TCF7L2: variants seen among roughly 807,000 people sequenced by gnomAD.
The protein encoded by TCF7L2 is transcription factor 7-like 2.
In TCF7L2, 23 loss-of-function variants were observed where a neutral mutation model predicts 77.9. That is an observed-to-expected ratio of 0.30 (90% CI 0.21 to 0.42). The LOEUF is 0.42. Ranked by LOEUF, TCF7L2 falls within the 10% of genes least tolerant of loss-of-function variation. The pLI, the probability that TCF7L2 is intolerant of heterozygous loss-of-function variation, is 1.00. For missense variants in TCF7L2, 654 were observed against 793.1 expected (o/e 0.82, Z 2.11); for synonymous variants, 413 against 340.2 (o/e 1.21, Z -2.36).
At chr10:113,018,614 C>T (rs1219252829) in intron 4 of TCF7L2, among the ~76,000 whole-genome samples, 1 of 151,976 alleles carries the variant, frequency 6.6e-6, no homozygotes, top group Non-Finnish European at 1.5e-5. Flanking sequence ...TCACAGGTGC[C>T]CACTACCATG....
rs1477073663 is a variant in TCF7L2, at chr10:112,966,184, T to TTATATATATTTTTATA, written c.450+1569_450+1570insTTTTATATATATATAT. On this transcript the variant is annotated intron_variant, in intron 4 of 13. Coordinates refer to ENST00000627217, the MANE Select transcript of TCF7L2 (RefSeq NM_001146274.2). ...GAGTGAGACTCTGTCTAAAATATAT[T>TTATATATATTTTTATA]TATATATATATATATATATATATAT... Among the ~76,000 whole-genome samples, 22 of 114,232 alleles carry TTATATATATTTTTATA rather than the reference T, an allele frequency of 1.9e-4. 1 individual carries two copies. The highest frequency in any genetic ancestry group is 4.7e-4 in the East Asian group (2 of 4,278). The allele number at this position is 114,232 out of a possible 152,430, so 74.9% of individuals were successfully genotyped here. A position where few individuals can be genotyped will look rare whatever the true frequency, so the allele number is the denominator to read the frequency against.
chr10:113,090,519 G>A (rs562288407), intron 5 of TCF7L2, among the ~76,000 whole-genome samples: 9 of 152,296 alleles, frequency 5.9e-5, no homozygotes, highest in Admixed American at 1.3e-4. Context: ...TTGTTCTGGC[G>A]TAGGAAGTGA....
rs952429331 is a variant in TCF7L2 at position 113,166,255 on chromosome 10, T to C, written c.*283T>C. ...GTAGCGTTTAAAAAATATATATATATACATAACTGTTATGTAGTTCGGATA... is the reference window on the plus strand; with the variant it reads ...GTAGCGTTTAAAAAATATATATATACACATAACTGTTATGTAGTTCGGATA... On this transcript the variant is annotated 3_prime_UTR_variant, in exon 14 of 14. Coordinates refer to ENST00000627217, the MANE Select transcript of TCF7L2 (RefSeq NM_001146274.2). 2 of 288,986 alleles carry C rather than the reference T, an allele frequency of 6.9e-6. No homozygotes were observed. The highest frequency in any genetic ancestry group is 5.1e-5 in the Admixed American group (1 of 19,544). The allele number at this position is 288,986 out of a possible 1,614,324, so 17.9% of individuals were successfully genotyped here.
At chr10:113,065,673 G>T (rs954859232) in intron 5 of TCF7L2, among the ~76,000 whole-genome samples, 5 of 152,112 alleles carry the variant, frequency 3.3e-5, no homozygotes, top group South Asian at 2.1e-4. Flanking sequence ...TTTGGTTTGG[G>T]CTCTGGCTCA....
intron 5 of TCF7L2, among the ~76,000 whole-genome samples, chr10:113,095,563 A>T (rs886271365): frequency 1.3e-5 from 2 of 152,110 alleles, no homozygotes. Context: ...TTCCCAGTGT[A>T]GAGGGAACAT....
At position 112,951,533 on chromosome 10, in the gene TCF7L2, T is replaced by G; in HGVS notation, c.307T>G (p.Tyr103Asp). The change falls in exon 3 of 14, where the codon TAC (tyrosine) becomes GAC (aspartate). Residue 103 changes from tyrosine to aspartate, a missense_variant. Physicochemically the swap from Tyr to Asp is radical, Grantham distance 160 (BLOSUM62 -3). Around this residue, in one of 6 missense-constraint regions of TCF7L2, gnomAD observed 132 missense variants for 123.7 expected, o/e 1.07. Transcript: ENST00000627217. ...CTTTAAGGGGCCACCGTATCCCGGCTACCCCTTCATCATGATCCCCGACCT... is the reference window on the plus strand; with the variant it reads ...CTTTAAGGGGCCACCGTATCCCGGCGACCCCTTCATCATGATCCCCGACCT... The G allele has an allele frequency of 7.0e-7, 1 of 1,422,154 alleles. No individual in the cohort carries two copies. Among genetic ancestry groups the G allele is most frequent in the Non-Finnish European group, 9.4e-7 (1 of 1,064,504 alleles). 88.1% of individuals were successfully genotyped at this position (1,422,154 alleles called of 1,614,324 possible).
rs2060464841 is a variant in TCF7L2, at chr10:113,092,071, A to G, written c.553-49113A>G. 5.3e-5 allele frequency among the ~76,000 whole-genome samples: 8 copies of G among 152,336 alleles called. 1 individual carries two copies. The South Asian group carries it at 1.7e-3, about 32-fold the overall frequency. Reference sequence around the variant, plus strand: ...ATCTTTGGTTGGCGGCAGGAGGTAGATAAAGGAACCAGGCACCCATTTTAA... The same window carrying G: ...ATCTTTGGTTGGCGGCAGGAGGTAGGTAAAGGAACCAGGCACCCATTTTAA... On this transcript the variant is annotated intron_variant, in intron 5 of 13. Coordinates refer to ENST00000627217, the MANE Select transcript of TCF7L2 (RefSeq NM_001146274.2).
intron 4 of TCF7L2, among the ~76,000 whole-genome samples, chr10:112,989,445 C>T (rs2042136472): frequency 6.6e-6 from 1 of 151,484 alleles, no homozygotes; most frequent in South Asian, 2.1e-4. Context: ...TGTCTTAATT[C>T]ATCTTCCCCT....
intron 5 of TCF7L2, among the ~76,000 whole-genome samples, chr10:113,135,306 C>G (rs749211031): frequency 2.0e-5 from 3 of 152,182 alleles, no homozygotes; most frequent in Non-Finnish European, 2.9e-5. Flanking sequence ...CATTCCCCCC[C>G]ACTGTAGTCG....
At chr10:113,061,093 A>G (rs1365765754) in intron 5 of TCF7L2, among the ~76,000 whole-genome samples, 1 of 152,070 alleles carries the variant, frequency 6.6e-6, no homozygotes, top group East Asian at 1.9e-4. Flanking sequence ...CTGTTATTCA[A>G]ATATTTAAGC....
intron 5 of TCF7L2, among the ~76,000 whole-genome samples, chr10:113,110,299 A>G (rs2062952569): frequency 6.6e-6 from 1 of 151,662 alleles, no homozygotes; most frequent in Non-Finnish European, 1.5e-5. Flanking sequence ...AAAAAAGTCA[A>G]TTGTAGAAAC....
At chr10:112,956,934 G>T (rs189643045) in intron 3 of TCF7L2, among the ~76,000 whole-genome samples, 22 of 152,126 alleles carry the variant, frequency 1.4e-4, no homozygotes, top group Non-Finnish European at 2.4e-4. Flanking sequence ...TCCCTTCTCC[G>T]CTGACCCCCA....
At chr10:112,951,028 G>A in intron 1 of TCF7L2, 83 bp downstream of exon 1, 1 of 1,500,960 alleles carries the variant, frequency 6.7e-7, no homozygotes, top group Non-Finnish European at 8.9e-7. Context: ...AGAAATCGGG[G>A]CTGGGGGCGG....
intron 5 of TCF7L2, among the ~76,000 whole-genome samples, chr10:113,073,285 C>T (rs1475508615): frequency 6.6e-6 from 1 of 151,708 alleles, no homozygotes; most frequent in East Asian, 1.9e-4. Context: ...AGCTCTGTTC[C>T]CTGTCCTGCT....
intron 7 of TCF7L2, among the ~76,000 whole-genome samples, chr10:113,144,391 GCTGCCCAAACT>G (rs2068945204): frequency 6.6e-6 from 1 of 152,110 alleles, no homozygotes; most frequent in African/African-American, 2.4e-5. Flanking sequence ...TCTGCTGTTG[GCTGCCCAAACT>G]GCAGTCATGT....
At chr10:113,013,112 T>C (rs1020818741) in intron 4 of TCF7L2, among the ~76,000 whole-genome samples, 1 of 134,526 alleles carries the variant, frequency 7.4e-6, no homozygotes, top group Admixed American at 7.6e-5. Context: ...TATAAGCAAG[T>C]GGTTTTTTTT....
At chr10:113,060,514 T>C (rs889200186) in intron 5 of TCF7L2, among the ~76,000 whole-genome samples, 2 of 152,152 alleles carry the variant, frequency 1.3e-5, no homozygotes, top group Non-Finnish European at 2.9e-5. Flanking sequence ...GAAGATTCCC[T>C]GATAAGTAGC....
rs115418012 is a variant in TCF7L2, at chr10:113,153,036, C to T, written c.1269+596C>T. Among the ~76,000 whole-genome samples the T allele has an allele frequency of 6.3e-3, 953 of 152,304 alleles. 6 individuals carry two copies. The highest frequency in any genetic ancestry group is 0.021 in the African/African-American group (867 of 41,570). ...TCAGCCTTTGGCAGGATGCATGAACCGACTCTGGCCCCAGCAAGGGCAGGG... is the reference window on the plus strand; with the variant it reads ...TCAGCCTTTGGCAGGATGCATGAACTGACTCTGGCCCCAGCAAGGGCAGGG... On this transcript the variant is annotated intron_variant, in intron 11 of 13. Transcript: ENST00000627217.
At chr10:113,047,157 GC>G (rs371858453) in intron 5 of TCF7L2, among the ~76,000 whole-genome samples, 4 of 151,908 alleles carry the variant, frequency 2.6e-5, no homozygotes, top group African/African-American at 7.3e-5. Flanking sequence ...TTGTCCCCTC[GC>G]CCCCTCCCCT....
Sources: allele counts gnomAD v4.1 joint callset (sites outside exome capture counted in the v4.1 genomes callset), GRCh38; gene constraint gnomAD v4.1.1; regional missense constraint gnomAD v4.1.1; transcripts MANE v1.5; gene names NCBI Gene and HGNC (gene_info 2026-07-23, HGNC 2026-07-21).